Variants in CDC42SE2 observed in about 807,000 individuals in gnomAD.
CDC42SE2 encodes CDC42 small effector protein 2.
CDC42SE2 carries 3 observed loss-of-function variants against 11.5 expected under a neutral mutation model. The ratio of observed to expected loss-of-function variants is 0.26; its 90% CI spans 0.12 to 0.67. The LOEUF (loss-of-function observed/expected upper bound fraction) is 0.67. Ranked by LOEUF, CDC42SE2 falls within the 30% of genes least tolerant of loss-of-function variation. The pLI, the probability that CDC42SE2 is intolerant of heterozygous loss-of-function variation, is 0.80. For missense variants in CDC42SE2, 82 were observed against 106.8 expected (o/e 0.77, Z 1.02); for synonymous variants, 33 against 34.8 (o/e 0.95, Z 0.18).
At chr5:131,222,142 G>A in the CDC42SE2 span, among the ~76,000 whole-genome samples, 1 of 152,324 alleles carries the variant, frequency 6.6e-6, no homozygotes, top group African/African-American at 2.4e-5. Flanking sequence ...GAGCAGCTAA[G>A]TGTTTCTACT....
intron 2 of CDC42SE2, among the ~76,000 whole-genome samples, chr5:131,336,119 TC>T (rs1336644606): frequency 3.3e-5 from 5 of 152,216 alleles, no homozygotes; most frequent in African/African-American, 1.2e-4. Flanking sequence ...GTTGTTCCTT[TC>T]CATGTTTAGT....
rs187746350 is a variant in CDC42SE2, at chr5:131,268,474, C to T, written c.-455+4308C>T. On this transcript the variant is annotated intron_variant, in intron 1 of 4. Coordinates refer to ENST00000505065, the MANE Select transcript of CDC42SE2 (RefSeq NM_001375635.1). ...AACTTTTCTTTTTTTTTTTCTGAGA[C>T]GGAGTTTCACTCTTGTTGCCCAGGG... 4.0e-5 allele frequency among the ~76,000 whole-genome samples: 6 copies of T among 149,384 alleles called. No individual in the cohort carries two copies. In the East Asian group the frequency reaches 5.9e-4, roughly 15 times the overall value.
At chr5:131,335,973 A>T (rs973988999) in intron 2 of CDC42SE2, among the ~76,000 whole-genome samples, 1 of 152,102 alleles carries the variant, frequency 6.6e-6, no homozygotes, top group Non-Finnish European at 1.5e-5. Context: ...TTTACATTTA[A>T]GGTTAGTATT....
intron 1 of CDC42SE2, among the ~76,000 whole-genome samples, chr5:131,299,742 TC>T (rs1679655992): frequency 1.3e-5 from 2 of 152,240 alleles, no homozygotes; most frequent in South Asian, 4.1e-4. Context: ...TTGATGCTAA[TC>T]GAACTCAGGG....
At chr5:131,331,741 C>A (rs980346471) in intron 2 of CDC42SE2, among the ~76,000 whole-genome samples, 17 of 151,946 alleles carry the variant, frequency 1.1e-4, no homozygotes, top group African/African-American at 4.1e-4. Flanking sequence ...GGTTTATGGA[C>A]CAGAAAGGAG....
chr5:131,252,510 A>G (rs1209784771), intron 1 of CDC42SE2, among the ~76,000 whole-genome samples: 1 of 152,128 alleles, frequency 6.6e-6, no homozygotes, highest in African/African-American at 2.4e-5. Flanking sequence ...AAAAAAAATT[A>G]GCCGGGCGTG....
chr5:131,246,306 A>G (rs1342725306), intron 1 of CDC42SE2, among the ~76,000 whole-genome samples: 1 of 152,146 alleles, frequency 6.6e-6, no homozygotes, highest in African/African-American at 2.4e-5. Context: ...AAATATAAAA[A>G]TTAGCTGGGA....
the CDC42SE2 span, among the ~76,000 whole-genome samples, chr5:131,234,390 C>T: frequency 7.9e-5 from 12 of 152,126 alleles, no homozygotes; most frequent in South Asian, 6.2e-4. Flanking sequence ...GTAATCCCAG[C>T]ACTTTGGGAG....
intron 1 of CDC42SE2, among the ~76,000 whole-genome samples, chr5:131,283,417 G>A (rs79781247): frequency 0.021 from 3,214 of 152,026 alleles, 118 homozygotes; most frequent in African/African-American, 0.074. Flanking sequence ...CATGCGATAT[G>A]TGACCTTTTG....
At chr5:131,347,518 A>G (rs980941182) in intron 2 of CDC42SE2, among the ~76,000 whole-genome samples, 1 of 152,166 alleles carries the variant, frequency 6.6e-6, no homozygotes, top group African/African-American at 2.4e-5. Flanking sequence ...TAGCCTACCA[A>G]CCAAAAAAAG....
At chr5:131,291,047 C>T (rs1312955427) in intron 1 of CDC42SE2, among the ~76,000 whole-genome samples, 1 of 151,982 alleles carries the variant, frequency 6.6e-6, no homozygotes, top group Non-Finnish European at 1.5e-5. Flanking sequence ...CACAAGAAGC[C>T]TTATAGAGAA....
chr5:131,369,021 C>T (rs113634557), intron 3 of CDC42SE2, among the ~76,000 whole-genome samples: 6 of 152,164 alleles, frequency 3.9e-5, no homozygotes, highest in Admixed American at 2.6e-4. Flanking sequence ...TCCTTGTGTC[C>T]TTTCCAATTA....
intron 3 of CDC42SE2, among the ~76,000 whole-genome samples, chr5:131,371,354 G>C (rs1025401209): frequency 6.6e-6 from 1 of 151,838 alleles, no homozygotes; most frequent in Non-Finnish European, 1.5e-5. Context: ...CCTAAAGTTT[G>C]GTCTGATCTC....
At chr5:131,295,011 C>CA (rs1757539945) in intron 1 of CDC42SE2, among the ~76,000 whole-genome samples, 3 of 151,958 alleles carry the variant, frequency 2.0e-5, no homozygotes, top group Admixed American at 2.0e-4. Context: ...CCTGTAGTCC[C>CA]AGCTACTCGG....
intron 3 of CDC42SE2, among the ~76,000 whole-genome samples, chr5:131,359,849 G>C (rs765708866): frequency 6.6e-6 from 1 of 152,116 alleles, no homozygotes; most frequent in Non-Finnish European, 1.5e-5. Flanking sequence ...AGGTAAAACA[G>C]ATAAATCAGC....
intron 2 of CDC42SE2, among the ~76,000 whole-genome samples, chr5:131,349,094 A>T (rs537923238): frequency 6.6e-5 from 10 of 152,242 alleles, no homozygotes; most frequent in East Asian, 1.9e-4. Flanking sequence ...GGACTTCATG[A>T]CTAAAACACC....
At chr5:131,298,996 T>A (rs1373202098) in intron 1 of CDC42SE2, among the ~76,000 whole-genome samples, 1 of 152,144 alleles carries the variant, frequency 6.6e-6, no homozygotes, top group African/African-American at 2.4e-5. Flanking sequence ...GATAGCCATA[T>A]CAAGTTCTGA....
chr5:131,318,351 C>T (rs190757143), intron 2 of CDC42SE2, among the ~76,000 whole-genome samples: 64 of 152,226 alleles, frequency 4.2e-4, no homozygotes, highest in South Asian at 1.2e-3. Context: ...TCATTAAGGT[C>T]AACTTTAATG....
intron 3 of CDC42SE2, among the ~76,000 whole-genome samples, chr5:131,376,547 A>G (rs976358362): frequency 6.6e-6 from 1 of 152,166 alleles, no homozygotes; most frequent in African/African-American, 2.4e-5. Flanking sequence ...GGTTTATTAT[A>G]TAGGTAAACT....
Sources: gnomAD v4.1 joint callset for allele counts (sites outside exome capture counted in the v4.1 genomes callset) on GRCh38, gnomAD v4.1.1 for gene constraint, MANE v1.5 for transcripts, NCBI Gene and HGNC (gene_info 2026-07-23, HGNC 2026-07-21) for gene names.